GRID2: variants seen among roughly 807,000 people sequenced by gnomAD.
GRID2 encodes glutamate ionotropic receptor delta type subunit 2, also known as glutamate receptor ionotropic, delta-2.
In GRID2, 33 loss-of-function variants were observed where a neutral mutation model predicts 114.8. The ratio of observed to expected loss-of-function variants is 0.29; its 90% CI spans 0.22 to 0.38. GRID2 has a LOEUF of 0.38. GRID2 is among the 10% of genes least tolerant of loss of function. The pLI, the probability that GRID2 is intolerant of heterozygous loss-of-function variation, is 1.00. For missense variants in GRID2, 1,184 were observed against 1,257.7 expected, an observed-to-expected ratio of 0.94 and a Z score of 0.89; for synonymous variants, 505 against 449.9, an observed-to-expected ratio of 1.12 and a Z score of -1.55.
intron 8 of GRID2, among the ~76,000 whole-genome samples, chr4:93,317,103 G>A (rs918790983): frequency 8.6e-5 from 13 of 151,956 alleles, no homozygotes; most frequent in African/African-American, 3.1e-4. Flanking sequence ...TTTAATTACC[G>A]AATGTGGGCT....
intron 13 of GRID2, among the ~76,000 whole-genome samples, chr4:93,539,446 T>G (rs1732431761): frequency 3.9e-5 from 6 of 152,030 alleles, no homozygotes; most frequent in African/African-American, 1.4e-4. Flanking sequence ...AATGTTCAAA[T>G]GTGCCCAGTA....
chr4:93,069,912 A>G (rs1368193940), intron 2 of GRID2, among the ~76,000 whole-genome samples: 1 of 152,070 alleles, frequency 6.6e-6, no homozygotes, highest in Non-Finnish European at 1.5e-5. Context: ...AAAGCAACAG[A>G]TTCTAGGCAA....
At chr4:92,514,772 G>A (rs1724423613) in intron 1 of GRID2, among the ~76,000 whole-genome samples, 1 of 151,728 alleles carries the variant, frequency 6.6e-6, no homozygotes, top group African/African-American at 2.4e-5. Flanking sequence ...TGCTGCTGCT[G>A]CTATTTGTAA....
chr4:93,018,618 C>G (rs1466190888), intron 2 of GRID2, among the ~76,000 whole-genome samples: 1 of 152,102 alleles, frequency 6.6e-6, no homozygotes, highest in African/African-American at 2.4e-5. Context: ...CAGGTCTTCA[C>G]AAAGAATACT....
At chr4:93,229,867 G>A (rs1181199307) in intron 7 of GRID2, among the ~76,000 whole-genome samples, 1 of 151,992 alleles carries the variant, frequency 6.6e-6, no homozygotes, top group Non-Finnish European at 1.5e-5. Context: ...TAGAATAAGT[G>A]CCTCCTCATT....
intron 4 of GRID2, among the ~76,000 whole-genome samples, chr4:93,200,089 G>C (rs918431386): frequency 6.6e-6 from 1 of 152,136 alleles, no homozygotes. Context: ...CAGGCAACTG[G>C]ATATAGTTTG....
At chr4:92,306,993 T>C (rs983166295) in intron 1 of GRID2, among the ~76,000 whole-genome samples, 1 of 152,148 alleles carries the variant, frequency 6.6e-6, no homozygotes, top group African/African-American at 2.4e-5. Flanking sequence ...AAACTTTATC[T>C]TTTATAATAT....
intron 1 of GRID2, among the ~76,000 whole-genome samples, chr4:92,580,734 A>G (rs1728141846): frequency 7.2e-6 from 1 of 139,080 alleles, no homozygotes; most frequent in South Asian, 2.3e-4. Context: ...GCCAATTCTC[A>G]CATTTTTTTT....
At chr4:93,608,266 A>G (rs962749979) in intron 13 of GRID2, among the ~76,000 whole-genome samples, 1 of 124,760 alleles carries the variant, frequency 8.0e-6, no homozygotes, top group Non-Finnish European at 1.8e-5. Context: ...ATTTTAAACT[A>G]TTTAGTCCAA....
intron 14 of GRID2, among the ~76,000 whole-genome samples, chr4:93,721,611 C>G (rs1039464250): frequency 6.6e-6 from 1 of 152,118 alleles, no homozygotes; most frequent in African/African-American, 2.4e-5. Flanking sequence ...GGTATCTACT[C>G]TCTGTGATTG....
At chr4:93,367,838 T>C (rs1762484998) in intron 8 of GRID2, among the ~76,000 whole-genome samples, 1 of 152,188 alleles carries the variant, frequency 6.6e-6, no homozygotes, top group South Asian at 2.1e-4. Flanking sequence ...TCCAGTTAAA[T>C]GTCACGATTG....
chr4:93,741,492 A>C (rs1231812543), intron 14 of GRID2, among the ~76,000 whole-genome samples: 2 of 152,190 alleles, frequency 1.3e-5, no homozygotes, highest in East Asian at 3.9e-4. Flanking sequence ...GACTAAATAA[A>C]TGATGGCACA....
chr4:92,832,432 C>T (rs1742176095), intron 2 of GRID2, among the ~76,000 whole-genome samples: 1 of 151,998 alleles, frequency 6.6e-6, no homozygotes, highest in Non-Finnish European at 1.5e-5. Context: ...TTCATTCTGT[C>T]ACCCAGGCTG....
At chr4:93,019,319 A>G (rs1016137578) in intron 2 of GRID2, among the ~76,000 whole-genome samples, 2 of 152,184 alleles carry the variant, frequency 1.3e-5, no homozygotes, top group Non-Finnish European at 2.9e-5. Context: ...TCTTGGAGCC[A>G]AATGAAGAAT....
At chr4:92,726,772 A>G (rs1232584017) in intron 2 of GRID2, among the ~76,000 whole-genome samples, 4 of 152,086 alleles carry the variant, frequency 2.6e-5, no homozygotes, top group Admixed American at 6.6e-5. Context: ...TTAAAAATCA[A>G]TTCTATGTAC....
At chr4:92,854,097 A>G (rs1744015595) in intron 2 of GRID2, among the ~76,000 whole-genome samples, 1 of 151,628 alleles carries the variant, frequency 6.6e-6, no homozygotes. Context: ...TTCTTTCTTC[A>G]TCATGTGGCT....
At chr4:92,742,990 A>C (rs77212871) in intron 2 of GRID2, among the ~76,000 whole-genome samples, 1,707 of 152,296 alleles carry the variant, frequency 0.011, 25 homozygotes, top group East Asian at 0.076. Context: ...AATCTAAAAA[A>C]TAAGGGCCAG....
chr4:93,690,621 T>C (rs1437789247), intron 14 of GRID2, among the ~76,000 whole-genome samples: 4 of 151,838 alleles, frequency 2.6e-5, no homozygotes, highest in Non-Finnish European at 4.4e-5. Flanking sequence ...GAAATATTTC[T>C]CATCACAAAT....
chr4:92,967,149 G>A (rs1156661505), intron 2 of GRID2, among the ~76,000 whole-genome samples: 2 of 151,890 alleles, frequency 1.3e-5, no homozygotes, highest in Non-Finnish European at 2.9e-5. Flanking sequence ...TTTAAAATCA[G>A]CATCTCCCTC....
Sources: gnomAD v4.1 joint callset for allele counts (sites outside exome capture counted in the v4.1 genomes callset) on GRCh38, gnomAD v4.1.1 for gene constraint, MANE v1.5 for transcripts, NCBI Gene and HGNC (gene_info 2026-07-23, HGNC 2026-07-21) for gene names.